Variants in SIK3 observed in about 807,000 individuals in gnomAD.
SIK3 encodes serine/threonine-protein kinase SIK3.
In SIK3, 28 loss-of-function variants were observed where a neutral mutation model predicts 144.2. The ratio of observed to expected loss-of-function variants is 0.19; its 90% CI spans 0.14 to 0.27. The LOEUF (loss-of-function observed/expected upper bound fraction) is 0.27, where lower values mean the gene tolerates loss of function less well. Ranked by LOEUF, SIK3 falls within the 10% of genes least tolerant of loss-of-function variation. The pLI is 1.00. For missense variants in SIK3, 1,319 were observed against 1,776.0 expected, an observed-to-expected ratio of 0.74 and a Z score of 4.62; for synonymous variants, 686 against 676.3, an observed-to-expected ratio of 1.01 and a Z score of -0.22.
rs573507947 is a variant in SIK3 at position 116,973,296 on chromosome 11, T to C, written c.274-16232A>G. Among the ~76,000 whole-genome samples the C allele has an allele frequency of 2.6e-3, 395 of 152,342 alleles. 3 individuals are homozygous for C. Among genetic ancestry groups the C allele is most frequent in the African/African-American group, 9.3e-3 (385 of 41,584 alleles). On this transcript the variant is annotated intron_variant, in intron 1 of 24. Transcript: ENST00000445177. Reference sequence around the variant, plus strand: ...TGGTTCTTTATAAGGTAGACAACTATCATCTCCAAGAAATTCTAGGCCAAG... The same window carrying C: ...TGGTTCTTTATAAGGTAGACAACTACCATCTCCAAGAAATTCTAGGCCAAG...
Position 116,873,115 on chromosome 11 carries a change from T to C in SIK3, c.1737+366A>G, listed in dbSNP as rs183685801. On this transcript the variant is annotated intron_variant, in intron 13 of 24. Transcript: ENST00000445177. The stretch of plus-strand genomic sequence containing the variant: ...AAGCCAGTCTAGAAACCAATTAATT[T>C]AAGGGCACTTTGGCCTTCTGGCAGG... Among the ~76,000 whole-genome samples, 15 of 152,312 alleles carry C rather than the reference T, an allele frequency of 9.8e-5. No homozygotes were observed. In the East Asian group the frequency reaches 2.5e-3, roughly 25 times the overall value.
At chr11:116,998,732 G>A (rs1308745017) in intron 1 of SIK3, among the ~76,000 whole-genome samples, 2 of 152,082 alleles carry the variant, frequency 1.3e-5, no homozygotes, top group Admixed American at 6.5e-5. Context: ...GCACACAGAG[G>A]TTTCATTTAA....
At chr11:116,879,966 T>G (rs1247267144) in intron 6 of SIK3, among the ~76,000 whole-genome samples, 1 of 152,220 alleles carries the variant, frequency 6.6e-6, no homozygotes, top group Non-Finnish European at 1.5e-5. Context: ...TGTTAAAGAC[T>G]CCTGTGTAGG....
intron 3 of SIK3, among the ~76,000 whole-genome samples, chr11:116,940,559 C>G (rs1346101184): frequency 1.3e-5 from 2 of 151,788 alleles, no homozygotes; most frequent in Non-Finnish European, 2.9e-5. Context: ...CTCAATACAG[C>G]AAAAATAATT....
chr11:116,878,290 C>G (rs1265340868), intron 6 of SIK3, among the ~76,000 whole-genome samples: 1 of 152,096 alleles, frequency 6.6e-6, no homozygotes, highest in African/African-American at 2.4e-5. Context: ...GGCATATCAC[C>G]ACTTTGCCTG....
chr11:117,082,622 G>C (rs79552834), intron 1 of SIK3, among the ~76,000 whole-genome samples: 3,737 of 152,210 alleles, frequency 0.025, 86 homozygotes, highest in South Asian at 0.11. Context: ...TGAGAAGAGA[G>C]GTTGAAGAAA....
intron 22 of SIK3, among the ~76,000 whole-genome samples, chr11:116,847,964 T>C (rs1351110300): frequency 6.6e-6 from 1 of 152,210 alleles, no homozygotes; most frequent in Admixed American, 6.5e-5. Flanking sequence ...GTGATGGAAA[T>C]GTTCTCTGTC....
intron 4 of SIK3, among the ~76,000 whole-genome samples, chr11:116,912,181 T>C (rs896182785): frequency 2.0e-5 from 3 of 152,236 alleles, no homozygotes; most frequent in African/African-American, 7.2e-5. Context: ...AGACTTTAAT[T>C]TGAACCATAT....
chr11:116,855,517 C>A (rs1391892484), intron 21 of SIK3: 1 of 152,228 alleles, frequency 6.6e-6, no homozygotes, highest in East Asian at 1.9e-4. Flanking sequence ...TCTACACACA[C>A]AAGTCACACA....
At chr11:117,094,168 A>G (rs564092220) in intron 1 of SIK3, among the ~76,000 whole-genome samples, 3 of 152,324 alleles carry the variant, frequency 2.0e-5, no homozygotes, top group Non-Finnish European at 4.4e-5. Context: ...TTAAGCAGCA[A>G]AAGATTCAAA....
At position 116,858,717 on chromosome 11, in the gene SIK3, A is replaced by G. The variant is rs1943134889; in HGVS notation, c.2766-18T>C. The G allele has an allele frequency of 6.6e-7, 1 of 1,522,786 alleles. No individual in the cohort carries two copies. Among genetic ancestry groups the G allele is most frequent in the Non-Finnish European group, 8.8e-7 (1 of 1,135,316 alleles). 94.3% of individuals were successfully genotyped at this position (1,522,786 alleles called of 1,614,324 possible). A position where few individuals can be genotyped will look rare whatever the true frequency, so the allele number is the denominator to read the frequency against. On this transcript the variant is annotated intron_variant, in intron 20 of 24. Coordinates refer to ENST00000445177, the MANE Select transcript of SIK3 (RefSeq NM_001366686.3). The surrounding 1 kb of genome is among the most constrained non-coding windows in gnomAD (Gnocchi z 5.4). ...CGTTCAAGCTGCAGACACAAAAGGG[A>G]GTACCAGACATCCATGTAACAAGTA...
At chr11:116,994,332 C>T (rs1189993711) in intron 1 of SIK3, among the ~76,000 whole-genome samples, 1 of 152,142 alleles carries the variant, frequency 6.6e-6, no homozygotes. Context: ...AAAAATACAT[C>T]GAAGGAAAGA....
chr11:116,954,377 A>G (rs953186561), intron 2 of SIK3, among the ~76,000 whole-genome samples: 1 of 152,066 alleles, frequency 6.6e-6, no homozygotes, highest in African/African-American at 2.4e-5. Flanking sequence ...CAATCTCTTA[A>G]GCTCCATAAA....
intron 4 of SIK3, 56 bp from the exon 5 acceptor site, chr11:116,897,373 C>T (rs1449994242): frequency 6.8e-7 from 1 of 1,477,856 alleles, no homozygotes; most frequent in African/African-American, 1.4e-5. Flanking sequence ...TATAACTGAG[C>T]AAACACTAGT....
intron 1 of SIK3, among the ~76,000 whole-genome samples, chr11:117,027,505 C>A (rs562179245): frequency 6.6e-6 from 1 of 151,860 alleles, no homozygotes; most frequent in South Asian, 2.1e-4. Context: ...GTCGCCCAGG[C>A]TGGATGGAGT....
intron 1 of SIK3, among the ~76,000 whole-genome samples, chr11:117,048,669 T>G (rs907986691): frequency 3.9e-5 from 6 of 151,990 alleles, no homozygotes; most frequent in African/African-American, 7.2e-5. Context: ...AAAAAAAACT[T>G]TCCCATTAAT....
In SIK3 at chr11:116,844,691, T is replaced by C. The variant is rs1459627556; in HGVS notation, c.*952A>G. On this transcript the variant is annotated 3_prime_UTR_variant, in exon 25 of 25. Coordinates refer to ENST00000445177, the MANE Select transcript of SIK3 (RefSeq NM_001366686.3). Reference sequence around the variant, plus strand: ...ATACACATATATTATATTATATATATACACACATATATAATATATATATGG... The same window carrying C: ...ATACACATATATTATATTATATATACACACACATATATAATATATATATGG... 5 of 137,148 alleles carry C rather than the reference T, an allele frequency of 3.6e-5. No homozygotes were observed. In the East Asian group the frequency reaches 8.1e-4, roughly 22 times the overall value. 8.5% of individuals were successfully genotyped at this position (137,148 alleles called of 1,614,324 possible).
chr11:116,848,121 T>C (rs1942136519), intron 22 of SIK3, among the ~76,000 whole-genome samples: 1 of 152,200 alleles, frequency 6.6e-6, no homozygotes, highest in Non-Finnish European at 1.5e-5. Context: ...GAGACCATCC[T>C]GGCTAACACG....
At chr11:116,921,473 C>T (rs953651379) in intron 4 of SIK3, among the ~76,000 whole-genome samples, 4 of 152,082 alleles carry the variant, frequency 2.6e-5, no homozygotes, top group Non-Finnish European at 5.9e-5. Flanking sequence ...TCTAGATTAC[C>T]TCCACAAATT....
Sources: gnomAD v4.1 joint callset for allele counts (sites outside exome capture counted in the v4.1 genomes callset) on GRCh38, gnomAD v4.1.1 for gene constraint, Gnocchi (gnomAD v3.1) non-coding constraint, MANE v1.5 for transcripts, NCBI Gene and HGNC (gene_info 2026-07-23, HGNC 2026-07-21) for gene names.